The following ERCC6 variants were observed in gnomAD, a reference collection of about 807,000 sequenced individuals.
The protein encoded by ERCC6 is ERCC excision repair 6, chromatin remodeling factor.
A neutral mutation model predicts 158.7 loss-of-function variants in ERCC6; 116 were observed. That is an observed-to-expected ratio of 0.73 (90% CI 0.63 to 0.85). ERCC6 has a LOEUF of 0.85. Among genes scored for constraint, ERCC6 ranks in the 40% least tolerant of loss-of-function variants. The probability of loss-of-function intolerance (pLI) is 0.00; values close to 1 mark genes in which losing one functional copy is unlikely to be tolerated. For missense variants in ERCC6, 1,698 were observed against 1,799.4 expected (o/e 0.94, Z 1.02); for synonymous variants, 678 against 659.3 (o/e 1.03, Z -0.43).
chr10:49,473,917 T>A, intron 13 of ERCC6, 110 bp downstream of exon 13: 1 of 986,830 alleles, frequency 1.0e-6, no homozygotes, highest in South Asian at 1.3e-5. Flanking sequence ...CACCTCAGCA[T>A]CAGTGGTAGA....
rs145554525 is a variant in ERCC6, at chr10:49,458,897, C to T, written c.4400G>A (p.Arg1467Gln). The stretch of plus-strand genomic sequence containing the variant: ...AGTGCACAGATTTCTCAATAGTTCT[C>T]GGAAGACACAAGACTGTGATGCAGA... ...KLSASQSCVFRELLRNLCTFH... is the reference protein window; with the variant it reads ...KLSASQSCVFQELLRNLCTFH... The change falls in exon 21 of 21, where the codon CGA becomes CAA. Residue 1467 changes from arginine to glutamine, a missense_variant. Coordinates refer to ENST00000355832, the MANE Select transcript of ERCC6 (RefSeq NM_000124.4). The T allele has an allele frequency of 3.3e-5, 53 of 1,614,200 alleles. No homozygotes were observed. The African/African-American group carries it at 4.7e-4, about 14-fold the overall frequency.
Position 49,470,779 on chromosome 10 carries a change from T to C in ERCC6, c.3181A>G (p.Ile1061Val). 2 of 1,614,194 alleles carry C rather than the reference T, an allele frequency of 1.2e-6. No individual in the cohort carries two copies. The highest frequency in any genetic ancestry group is 8.5e-7 in the Non-Finnish European group (1 of 1,180,032). ...PKRKKFPASN[I>V]SVNDATSSEE... ...GATGATGTGGCATCATTTACAGATATGTTAGAAGCAGGGAACTTCTTGCGT... is the reference window on the plus strand; with the variant it reads ...GATGATGTGGCATCATTTACAGATACGTTAGAAGCAGGGAACTTCTTGCGT... The change falls in exon 18 of 21, where the codon ATA (isoleucine) becomes GTA (valine). Residue 1061 changes from isoleucine to valine, a missense_variant. Coordinates refer to ENST00000355832, the MANE Select transcript of ERCC6 (RefSeq NM_000124.4).
At chr10:49,499,333 T>C (rs2132573300) in intron 7 of ERCC6, among the ~76,000 whole-genome samples, 1 of 152,356 alleles carries the variant, frequency 6.6e-6, no homozygotes, top group South Asian at 2.1e-4. Context: ...AGTATTGATC[T>C]GCTAACTTAA....
chr10:49,519,946 A>G (rs1341509856), intron 5 of ERCC6, among the ~76,000 whole-genome samples: 1 of 152,112 alleles, frequency 6.6e-6, no homozygotes, highest in African/African-American at 2.4e-5. Context: ...TACCCTCTGA[A>G]GGTGTTTCCC....
At chr10:49,450,867 GGT>G (rs990678458), downstream of ERCC6, among the ~76,000 whole-genome samples, 9 of 151,090 alleles carry the variant, frequency 6.0e-5, no homozygotes, top group African/African-American at 1.7e-4. Context: ...GCTGGAGTGC[GGT>G]GGCACAATCT....
chr10:49,523,913 C>A, intron 5 of ERCC6, 120 bp downstream of exon 5: 2 of 1,443,818 alleles, frequency 1.4e-6, no homozygotes, highest in Middle Eastern at 2.4e-4. Context: ...GAAATCCAAC[C>A]TCTGTATAAT....
chr10:49,465,638 G>A (rs778974002), intron 18 of ERCC6, among the ~76,000 whole-genome samples: 15 of 152,168 alleles, frequency 9.9e-5, no homozygotes, highest in Non-Finnish European at 2.1e-4. Flanking sequence ...ACTGAATTAT[G>A]GGGTTGGGTC....
the ERCC6 span, among the ~76,000 whole-genome samples, chr10:49,443,296 C>A: frequency 2.6e-5 from 4 of 152,122 alleles, no homozygotes; most frequent in African/African-American, 9.6e-5. Context: ...AGACAAAATT[C>A]CAAGACAACA....
downstream of ERCC6, among the ~76,000 whole-genome samples, chr10:49,449,899 G>A (rs1375347250): frequency 6.6e-6 from 1 of 151,448 alleles, no homozygotes; most frequent in Non-Finnish European, 1.5e-5. Flanking sequence ...TTGAGATAGG[G>A]TCTTGCTCTG....
rs55801003 is a variant in ERCC6, at chr10:49,526,117, TTATATA to T, written c.653-1346_653-1341del. Among the ~76,000 whole-genome samples, 370 of 43,484 alleles carry T rather than the reference TTATATA, an allele frequency of 8.5e-3. 7 individuals are homozygous for T. The highest frequency in any genetic ancestry group is 0.028 in the Middle Eastern group (2 of 72). 28.5% of individuals were successfully genotyped at this position (43,484 alleles called of 152,430 possible). A position where few individuals can be genotyped will look rare whatever the true frequency, so the allele number is the denominator to read the frequency against. Reference sequence around the variant, plus strand: ...TATATATTTATATATTTATATATTTTTATATATATATATATATATATATATATATAT... The same window carrying T: ...TATATATTTATATATTTATATATTTTTATATATATATATATATATATATAT... On this transcript the variant is annotated intron_variant, in intron 4 of 20. Transcript: ENST00000355832.
chr10:49,444,193 G>C, the ERCC6 span, among the ~76,000 whole-genome samples: 1 of 152,214 alleles, frequency 6.6e-6, no homozygotes, highest in African/African-American at 2.4e-5. Context: ...TGGACACTTC[G>C]ACAAAGAGGC....
chr10:49,523,186 T>C (rs945806259), intron 5 of ERCC6, among the ~76,000 whole-genome samples: 2 of 152,136 alleles, frequency 1.3e-5, no homozygotes, highest in African/African-American at 2.4e-5. Context: ...AGTAATAAGG[T>C]TCCTTTTTCC....
intron 5 of ERCC6, chr10:49,517,191 T>C: frequency 6.6e-7 from 1 of 1,505,468 alleles, no homozygotes; most frequent in Admixed American, 2.3e-5. Context: ...AAATGGAACA[T>C]GAAAAATGTC....
chr10:49,490,480 G>A (rs1230336739), intron 8 of ERCC6, among the ~76,000 whole-genome samples: 3 of 150,976 alleles, frequency 2.0e-5, no homozygotes, highest in East Asian at 3.9e-4. Context: ...TCAGCCTCCC[G>A]AGTAGCTAGG....
intron 5 of ERCC6, among the ~76,000 whole-genome samples, chr10:49,507,548 C>G (rs1851464833): frequency 6.6e-6 from 1 of 152,194 alleles, no homozygotes; most frequent in South Asian, 2.1e-4. Flanking sequence ...ATGCAATGGA[C>G]AAAATGAATT....
chr10:49,532,491 C>T, intron 2 of ERCC6, 52 bp downstream of exon 2: 1 of 1,607,388 alleles, frequency 6.2e-7, no homozygotes, highest in Non-Finnish European at 8.5e-7. Flanking sequence ...ACCTGAATAT[C>T]CCTGTCATGT....
intron 18 of ERCC6, among the ~76,000 whole-genome samples, chr10:49,468,309 G>C (rs1850712331): frequency 6.6e-6 from 1 of 152,200 alleles, no homozygotes; most frequent in Admixed American, 6.5e-5. Flanking sequence ...CTGATGCTCA[G>C]CTCTGCCTTT....
At position 49,526,097 on chromosome 10, in the gene ERCC6, ATTTATATATTTATATATTTT is replaced by A. The variant is rs1223135715; in HGVS notation, c.653-1340_653-1321del. Among the ~76,000 whole-genome samples the A allele has an allele frequency of 1.9e-3, 196 of 102,784 alleles. 3 individuals carry two copies. Among genetic ancestry groups the A allele is most frequent in the East Asian group, 0.012 (30 of 2,456 alleles). The allele number at this position is 102,784 out of a possible 152,430, so 67.4% of individuals were successfully genotyped here. A position where few individuals can be genotyped will look rare whatever the true frequency, so the allele number is the denominator to read the frequency against. On this transcript the variant is annotated intron_variant, in intron 4 of 20. Transcript: ENST00000355832. ...CTTTTGGTTTTATTTATATTTATAT[ATTTATATATTTATATATTTT>A]TATATATATATATATATATATATAT...
chr10:49,458,543 T>G lies in ERCC6; in HGVS notation c.*272A>C. 1 of 419,632 alleles carries G rather than the reference T, an allele frequency of 2.4e-6. No homozygotes were observed. Among genetic ancestry groups the G allele is most frequent in the Non-Finnish European group, 4.4e-6 (1 of 229,612 alleles). The allele number at this position is 419,632 out of a possible 1,614,324, so 26.0% of individuals were successfully genotyped here. On this transcript the variant is annotated 3_prime_UTR_variant, in exon 21 of 21. Coordinates refer to ENST00000355832, the MANE Select transcript of ERCC6 (RefSeq NM_000124.4). ...AAAGGAACAAATGTGCTCCAAGGAG[T>G]AACTGTTAGGTACCTGATTTACAAT...
Sources: allele counts gnomAD v4.1 joint callset (sites outside exome capture counted in the v4.1 genomes callset), GRCh38; gene constraint gnomAD v4.1.1; transcripts MANE v1.5; gene names NCBI Gene and HGNC (gene_info 2026-07-23, HGNC 2026-07-21).